Variants in MEOX2 observed in about 807,000 individuals in gnomAD.
MEOX2 encodes the protein mesenchyme homeobox 2, also known as homeobox protein MOX-2.
MEOX2 carries 11 observed loss-of-function variants against 27.0 expected under a neutral mutation model. That is an observed-to-expected ratio of 0.41 (90% confidence interval 0.26 to 0.68). The LOEUF (loss-of-function observed/expected upper bound fraction) is 0.68, where lower values mean the gene tolerates loss of function less well. Among genes scored for constraint, MEOX2 ranks in the 30% least tolerant of loss-of-function variants. The probability of loss-of-function intolerance (pLI) is 0.33; values close to 1 mark genes in which losing one functional copy is unlikely to be tolerated. For synonymous variants in MEOX2, 189 were observed against 155.4 expected, an observed-to-expected ratio of 1.22 and a Z score of -1.61; for missense variants, 436 against 385.4, an observed-to-expected ratio of 1.13 and a Z score of -1.10.
Position 15,626,791 on chromosome 7 carries a change from C to G in MEOX2, c.645G>C (p.Leu215=), listed in dbSNP as rs776144357. 5.0e-6 allele frequency: 8 copies of G among 1,608,646 alleles called. No homozygotes were observed. Among genetic ancestry groups the G allele is most frequent in the African/African-American group, 1.4e-5 (1 of 73,598 alleles). Reference sequence around the variant, plus strand: ...GATTCACTGCTATCTCGTATCGCCTCAGTCTGGTGAGATAATTATGATGGG... The same window carrying G: ...GATTCACTGCTATCTCGTATCGCCTGAGTCTGGTGAGATAATTATGATGGG... ...EFAHHNYLTR[L]RRYEIAVNLD... Residue 215 remains leucine, a synonymous_variant, in exon 2 of 3, where the codon CTG becomes CTC. Coordinates refer to ENST00000262041, the MANE Select transcript of MEOX2 (RefSeq NM_005924.5).
At chr7:15,684,093 C>T (rs779309751) in intron 1 of MEOX2, among the ~76,000 whole-genome samples, 1 of 152,048 alleles carries the variant, frequency 6.6e-6, no homozygotes, top group Admixed American at 6.6e-5. Context: ...AACAAAATAA[C>T]ATGTGCTTGT....
chr7:15,652,903 A>C (rs74581919), intron 1 of MEOX2, among the ~76,000 whole-genome samples: 1 of 152,008 alleles, frequency 6.6e-6, no homozygotes, highest in Non-Finnish European at 1.5e-5. Flanking sequence ...GCACTGTTCC[A>C]GTTTTTGTTT....
intron 1 of MEOX2, among the ~76,000 whole-genome samples, chr7:15,661,012 CAAAAAAAAAA>C (rs71004402): frequency 0.043 from 1,892 of 44,258 alleles, 20 homozygotes; most frequent in Middle Eastern, 0.16. Flanking sequence ...GACTCAGTCT[CAAAAAAAAAA>C]AAAAAAAAAA....
intron 1 of MEOX2, among the ~76,000 whole-genome samples, chr7:15,652,676 T>C (rs1187474299): frequency 6.6e-6 from 1 of 152,054 alleles, no homozygotes; most frequent in Non-Finnish European, 1.5e-5. Flanking sequence ...AAGTTCTCTA[T>C]GTCTGTAATT....
intron 1 of MEOX2, among the ~76,000 whole-genome samples, chr7:15,635,127 C>A (rs905050740): frequency 2.6e-5 from 4 of 151,920 alleles, no homozygotes; most frequent in African/African-American, 9.7e-5. Context: ...GAGATTCTTA[C>A]AAACCGTCTA....
At chr7:15,618,296 C>G (rs1403527119) in intron 2 of MEOX2, among the ~76,000 whole-genome samples, 1 of 151,994 alleles carries the variant, frequency 6.6e-6, no homozygotes, top group Non-Finnish European at 1.5e-5. Flanking sequence ...TCAAGTATTT[C>G]ATGAATAAAA....
chr7:15,679,886 T>C (rs570035641), intron 1 of MEOX2: 2 of 151,906 alleles, frequency 1.3e-5, no homozygotes, highest in Non-Finnish European at 2.9e-5. Flanking sequence ...CATATGGTGA[T>C]GTAAGAAACC....
chr7:15,659,690 G>A lies in MEOX2; in HGVS notation c.517+26196C>T, dbSNP rs141595333. ...CAGGAGAATGGCGTGAACCCGGGAG[G>A]CGGAGGTTGTAGTGAGCCGAGATCG... is the stretch of plus-strand genomic sequence containing the variant. On this transcript the variant is annotated intron_variant, in intron 1 of 2. Coordinates refer to ENST00000262041, the MANE Select transcript of MEOX2 (RefSeq NM_005924.5). Among the ~76,000 whole-genome samples the A allele has an allele frequency of 5.8e-3, 878 of 150,748 alleles. 11 individuals carry two copies. The highest frequency in any genetic ancestry group is 0.02 in the African/African-American group (829 of 40,952).
chr7:15,619,450 C>G (rs562448876), intron 2 of MEOX2, among the ~76,000 whole-genome samples: 3 of 151,994 alleles, frequency 2.0e-5, no homozygotes, highest in East Asian at 3.9e-4. Flanking sequence ...AACTGAGAAA[C>G]AAAAAGTGGA....
intron 1 of MEOX2, among the ~76,000 whole-genome samples, chr7:15,666,554 C>G (rs1015406849): frequency 6.6e-6 from 1 of 151,398 alleles, no homozygotes; most frequent in African/African-American, 2.4e-5. Context: ...GAGTTCATGA[C>G]CAGCCTGGGC....
chr7:15,616,774 A>T (rs1161105880), intron 2 of MEOX2, among the ~76,000 whole-genome samples: 1 of 151,928 alleles, frequency 6.6e-6, no homozygotes, highest in Non-Finnish European at 1.5e-5. Flanking sequence ...GTGACTTGGG[A>T]TCTCTATTCA....
intron 1 of MEOX2, among the ~76,000 whole-genome samples, chr7:15,646,742 T>A (rs1386416688): frequency 6.6e-6 from 1 of 151,932 alleles, no homozygotes; most frequent in East Asian, 1.9e-4. Flanking sequence ...ACTTAAAAAA[T>A]CACACTGACA....
Position 15,634,199 on chromosome 7 carries a change from C to T in MEOX2, c.518-7281G>A, listed in dbSNP as rs549443971. On this transcript the variant is annotated intron_variant, in intron 1 of 2. Transcript: ENST00000262041. ...TTGCCCAGAGATTATAGTTCTGAAC[C>T]TCAGCACTATTGACATTTTGGATTG... Among the ~76,000 whole-genome samples the T allele has an allele frequency of 3.9e-5, 6 of 151,964 alleles. No homozygotes were observed. In the South Asian group the frequency reaches 1.2e-3, roughly 31 times the overall value.
At chr7:15,621,414 T>C (rs1237625354) in intron 2 of MEOX2, among the ~76,000 whole-genome samples, 1 of 152,196 alleles carries the variant, frequency 6.6e-6, no homozygotes, top group East Asian at 1.9e-4. Flanking sequence ...TTTCCTTCTT[T>C]GGCCAGATGA....
intron 1 of MEOX2, among the ~76,000 whole-genome samples, chr7:15,649,791 G>T (rs1181867521): frequency 6.6e-6 from 1 of 152,034 alleles, no homozygotes. Context: ...AGATGTCCAG[G>T]CAATGGTATC....
At chr7:15,656,087 C>A (rs1371513245) in intron 1 of MEOX2, among the ~76,000 whole-genome samples, 5 of 151,772 alleles carry the variant, frequency 3.3e-5, no homozygotes, top group Non-Finnish European at 7.4e-5. Context: ...TGACTTTTAT[C>A]ATTTTTAATA....
chr7:15,656,790 T>C (rs1055966813), intron 1 of MEOX2, among the ~76,000 whole-genome samples: 4 of 152,086 alleles, frequency 2.6e-5, no homozygotes, highest in African/African-American at 9.7e-5. Context: ...GCCATTGTTC[T>C]TTTTCCTTTT....
intron 1 of MEOX2, among the ~76,000 whole-genome samples, chr7:15,645,522 G>C (rs1281925215): frequency 6.6e-6 from 1 of 152,164 alleles, no homozygotes; most frequent in African/African-American, 2.4e-5. Flanking sequence ...TTTTAAGATG[G>C]ATGTTGGAAT....
intron 1 of MEOX2, among the ~76,000 whole-genome samples, chr7:15,673,630 A>C (rs1782144765): frequency 6.6e-6 from 1 of 151,242 alleles, no homozygotes; most frequent in Non-Finnish European, 1.5e-5. Context: ...ATTGGTCAGA[A>C]CAAAAGCAAA....
Sources: allele counts gnomAD v4.1 joint callset (sites outside exome capture counted in the v4.1 genomes callset), GRCh38; gene constraint gnomAD v4.1.1; transcripts MANE v1.5; gene names NCBI Gene and HGNC (gene_info 2026-07-23, HGNC 2026-07-21).